S100PBP: variants seen among roughly 807,000 people sequenced by gnomAD.
S100PBP encodes S100P binding protein.
In S100PBP, 15 loss-of-function variants were observed where a neutral mutation model predicts 39.9. The observed-to-expected ratio is 0.38, with a 90% CI of 0.25 to 0.58. The LOEUF (loss-of-function observed/expected upper bound fraction) is 0.58. Among genes scored for constraint, S100PBP ranks in the 20% least tolerant of loss-of-function variants. The pLI is 0.70. For missense variants in S100PBP, 504 were observed against 487.3 expected (o/e 1.03, Z -0.32); for synonymous variants, 178 against 180.3 (o/e 0.99, Z 0.10).
At position 32,826,215 on chromosome 1, in the gene S100PBP, T is replaced by C. The variant is rs778124146; in HGVS notation, c.116T>C (p.Leu39Pro). 1 of 1,614,196 alleles carries C rather than the reference T, an allele frequency of 6.2e-7. No individual in the cohort carries two copies. Among genetic ancestry groups the C allele is most frequent in the East Asian group, 2.2e-5 (1 of 44,884 alleles). ...LDEDGLDDSL[L>P]ELSEGEEDDG... Reference sequence around the variant, plus strand: ...GAGGATGGATTGGATGACTCCTTGCTGGAGCTGTCAGAGGGAGAAGAAGAT... The same window carrying C: ...GAGGATGGATTGGATGACTCCTTGCCGGAGCTGTCAGAGGGAGAAGAAGAT... Residue 39 changes from leucine (L) to proline (P), a missense_variant, in exon 3 of 7, where the codon CTG becomes CCG. By Grantham distance (98) the Leu-to-Pro change is moderately conservative. Transcript: ENST00000373475.
chr1:32,823,039 A>G (rs1175559256), intron 1 of S100PBP, among the ~76,000 whole-genome samples: 1 of 152,198 alleles, frequency 6.6e-6, no homozygotes, highest in Non-Finnish European at 1.5e-5. Flanking sequence ...TTGCATTTGG[A>G]ATTAGACCTG....
At chr1:32,840,331 G>A (rs771359736) in intron 5 of S100PBP, among the ~76,000 whole-genome samples, 21 of 151,446 alleles carry the variant, frequency 1.4e-4, no homozygotes, top group Non-Finnish European at 2.4e-4. Flanking sequence ...CCATGCCACC[G>A]CACCTGGCCC....
chr1:32,817,471 G>A, upstream of S100PBP: 2 of 618,050 alleles, frequency 3.2e-6, no homozygotes, highest in Non-Finnish European at 5.7e-6. Flanking sequence ...GAGCCAGTGG[G>A]CACGGTGGGC....
In S100PBP at chr1:32,855,964, C is replaced by T; in HGVS notation, c.1153C>T (p.Leu385=). The T allele has an allele frequency of 6.2e-7, 1 of 1,613,760 alleles. No individual in the cohort carries two copies. Among genetic ancestry groups the T allele is most frequent in the Non-Finnish European group, 8.5e-7 (1 of 1,179,774 alleles). ...RRQKHLQRYS[L]TQWVDRNMRS... ...ACAGAAACATCTGCAAAGATACAGT[C>T]TGACTCAGTGGGTTGACAGGAACAT... Residue 385 remains leucine (L), a synonymous_variant, in exon 7 of 7, where the codon CTG becomes TTG. Coordinates refer to ENST00000373475, the MANE Select transcript of S100PBP (RefSeq NM_022753.4).
intron 5 of S100PBP, chr1:32,833,969 C>T (rs1639713433): frequency 4.3e-6 from 1 of 230,832 alleles, no homozygotes; most frequent in South Asian, 5.3e-5. Flanking sequence ...TGTCCATTTT[C>T]ATTAGTAATG....
In S100PBP at chr1:32,856,762, A is replaced by G. The variant is rs892257714; in HGVS notation, c.*724A>G. 1.3e-5 allele frequency: 2 copies of G among 152,430 alleles called. No individual in the cohort carries two copies. Among genetic ancestry groups the G allele is most frequent in the African/African-American group, 4.8e-5 (2 of 41,428 alleles). The allele number at this position is 152,430 out of a possible 1,614,324, so 9.4% of individuals were successfully genotyped here. A position where few individuals can be genotyped will look rare whatever the true frequency, so the allele number is the denominator to read the frequency against. ...CAAATCTTATACATCTTACTTTGAC[A>G]GAAGACTTATAATACCTTGTGGTCT... is the stretch of plus-strand genomic sequence containing the variant. On this transcript the variant is annotated 3_prime_UTR_variant, in exon 7 of 7. Coordinates refer to ENST00000373475, the MANE Select transcript of S100PBP (RefSeq NM_022753.4).
upstream of S100PBP, chr1:32,817,148 C>T: frequency 6.2e-7 from 1 of 1,612,842 alleles, no homozygotes; most frequent in South Asian, 1.1e-5. Context: ...ACCTCGGGCT[C>T]CTAATCCCCA....
At chr1:32,848,412 T>G (rs938336751) in intron 5 of S100PBP, among the ~76,000 whole-genome samples, 2 of 152,232 alleles carry the variant, frequency 1.3e-5, no homozygotes, top group Non-Finnish European at 2.9e-5. Context: ...TTTAGCTATC[T>G]CAAGTAACTG....
At chr1:32,832,905 G>A (rs748661013) in intron 5 of S100PBP, among the ~76,000 whole-genome samples, 4 of 151,998 alleles carry the variant, frequency 2.6e-5, no homozygotes, top group Non-Finnish European at 5.9e-5. Context: ...TATTATTGAT[G>A]TAGAATGTAA....
chr1:32,821,505 A>G (rs545301609), intron 1 of S100PBP, among the ~76,000 whole-genome samples: 1 of 151,760 alleles, frequency 6.6e-6, no homozygotes, highest in Non-Finnish European at 1.5e-5. Flanking sequence ...TACTTTTAGT[A>G]GAGTTGGGGT....
At chr1:32,855,876 A>G in intron 6 of S100PBP, 48 bp from the exon 7 acceptor site, 1 of 1,267,690 alleles carries the variant, frequency 7.9e-7, no homozygotes, top group Non-Finnish European at 1.1e-6. Context: ...ACAAATAGCC[A>G]TTCTAGTTGA....
intron 3 of S100PBP, 118 bp downstream of exon 3, chr1:32,827,048 T>A (rs1639363942): frequency 1.5e-6 from 1 of 669,108 alleles, no homozygotes; most frequent in South Asian, 2.0e-5. Flanking sequence ...GCTGTGGGCA[T>A]CCTACACCAC....
intron 5 of S100PBP, among the ~76,000 whole-genome samples, chr1:32,839,112 C>A (rs1375660432): frequency 6.6e-6 from 1 of 152,106 alleles, no homozygotes; most frequent in Non-Finnish European, 1.5e-5. Flanking sequence ...TAGCTCTATA[C>A]CCATTAAACA....
intron 1 of S100PBP, among the ~76,000 whole-genome samples, chr1:32,823,850 CAT>C (rs1177682669): frequency 1.3e-5 from 2 of 152,348 alleles, no homozygotes; most frequent in African/African-American, 4.8e-5. Flanking sequence ...CATAAAGAGA[CAT>C]ATGCAGCTTG....
intron 5 of S100PBP, among the ~76,000 whole-genome samples, chr1:32,849,396 C>G (rs896454222): frequency 6.6e-5 from 10 of 152,312 alleles, no homozygotes; most frequent in African/African-American, 2.4e-4. Context: ...CTCGGCCTCC[C>G]AAAGTGCTGG....
chr1:32,841,169 A>G (rs35830976), intron 5 of S100PBP, among the ~76,000 whole-genome samples: 1 of 151,768 alleles, frequency 6.6e-6, no homozygotes, highest in South Asian at 2.1e-4. Context: ...TCAAAAAAAA[A>G]AAAAATAAAA....
At chr1:32,843,099 T>G (rs1640195847) in intron 5 of S100PBP, 1 of 152,196 alleles carries the variant, frequency 6.6e-6, no homozygotes, top group African/African-American at 2.4e-5. Context: ...TGTAATTGAT[T>G]TTTGTGTCTT....
At chr1:32,855,448 A>G (rs1471082719) in intron 6 of S100PBP, among the ~76,000 whole-genome samples, 1 of 152,196 alleles carries the variant, frequency 6.6e-6, no homozygotes, top group Non-Finnish European at 1.5e-5. Context: ...CTAAACTCAC[A>G]TGATGACTTA....
intron 5 of S100PBP, among the ~76,000 whole-genome samples, chr1:32,833,177 A>G (rs10753267): frequency 0.99 from 150,292 of 152,208 alleles, 74,229 homozygotes; most frequent in East Asian, 1. Flanking sequence ...CCTTTGCTTA[A>G]AGTTCTAATA....
Sources: gnomAD v4.1 joint callset for allele counts (sites outside exome capture counted in the v4.1 genomes callset) on GRCh38, gnomAD v4.1.1 for gene constraint, MANE v1.5 for transcripts, NCBI Gene and HGNC (gene_info 2026-07-23, HGNC 2026-07-21) for gene names.